The following FOCAD variants were observed in gnomAD, a reference collection of about 807,000 sequenced individuals.
FOCAD encodes the protein focadhesin.
In FOCAD, 198 loss-of-function variants were observed where a neutral mutation model predicts 225.6. That is an observed-to-expected ratio of 0.88 (90% CI 0.78 to 0.99). FOCAD has a LOEUF of 0.99. Ranked by LOEUF, FOCAD falls within the 50% of genes least tolerant of loss-of-function variation. The pLI is 0.00. For synonymous variants in FOCAD, 897 were observed against 755.0 expected (o/e 1.19, Z -3.08); for missense variants, 2,713 against 2,123.6 (o/e 1.28, Z -5.46).
At chr9:20,837,406 A>G (rs749357958) in intron 15 of FOCAD, among the ~76,000 whole-genome samples, 4 of 152,138 alleles carry the variant, frequency 2.6e-5, no homozygotes, top group Non-Finnish European at 2.9e-5. Context: ...AGCTGGGCTC[A>G]GTGGTTGCAA....
chr9:20,941,547 A>G (rs759112181), intron 28 of FOCAD, among the ~76,000 whole-genome samples: 3 of 152,222 alleles, frequency 2.0e-5, no homozygotes, highest in Admixed American at 6.5e-5. Flanking sequence ...ATCTGAGTTG[A>G]TGCAGCAACA....
intron 2 of FOCAD, among the ~76,000 whole-genome samples, chr9:20,677,496 A>G (rs1044096617): frequency 1.6e-4 from 25 of 152,192 alleles, no homozygotes; most frequent in Non-Finnish European, 2.9e-4. Context: ...AGAAAATACA[A>G]AGAATTCAGC....
At chr9:20,889,445 G>T (rs1587516583) in intron 21 of FOCAD, among the ~76,000 whole-genome samples, 1 of 151,974 alleles carries the variant, frequency 6.6e-6, no homozygotes, top group East Asian at 1.9e-4. Flanking sequence ...TTTTAGCTTA[G>T]GTCCATTTGA....
rs991206620 is a variant in FOCAD, at chr9:20,785,666, C to T, written c.1198-3685C>T. On this transcript the variant is annotated intron_variant, in intron 10 of 43. Transcript: ENST00000338382. The stretch of plus-strand genomic sequence containing the variant: ...TTTTACTTTCCTTTTCTTTTGTTGA[C>T]GAACTTTTGGCTCTTTCCCACTTTT... Among the ~76,000 whole-genome samples, 17 of 152,046 alleles carry T rather than the reference C, an allele frequency of 1.1e-4. 1 individual carries two copies. The highest frequency in any genetic ancestry group is 6.2e-4 in the South Asian group (3 of 4,824).
chr9:20,708,068 C>T (rs1394233022), intron 1 of FOCAD, among the ~76,000 whole-genome samples: 2 of 152,108 alleles, frequency 1.3e-5, no homozygotes, highest in East Asian at 1.9e-4. Context: ...AGAATTTTCC[C>T]CCTCTTTTTT....
intron 15 of FOCAD, among the ~76,000 whole-genome samples, chr9:20,832,276 A>G (rs1825574791): frequency 6.6e-6 from 1 of 152,206 alleles, no homozygotes; most frequent in East Asian, 1.9e-4. Flanking sequence ...TTTCCAGAGT[A>G]GCAGTTCTGT....
chr9:20,716,167 C>G (rs764961917), intron 2 of FOCAD: 1 of 473,428 alleles, frequency 2.1e-6, no homozygotes. Context: ...ATGCAAGATT[C>G]CCTTCTACCT....
At chr9:20,689,154 G>T (rs140119041) in intron 1 of FOCAD, among the ~76,000 whole-genome samples, 1 of 152,172 alleles carries the variant, frequency 6.6e-6, no homozygotes, top group Non-Finnish European at 1.5e-5. Context: ...GGGAGATAAT[G>T]AAAAGGATAG....
intron 8 of FOCAD, among the ~76,000 whole-genome samples, chr9:20,775,801 G>C (rs917625213): frequency 1.3e-5 from 2 of 151,884 alleles, no homozygotes; most frequent in African/African-American, 4.8e-5. Flanking sequence ...CTGTTACTGG[G>C]ACTCCTCCGA....
At chr9:20,940,280 TC>T (rs1241626532) in intron 28 of FOCAD, among the ~76,000 whole-genome samples, 1 of 144,450 alleles carries the variant, frequency 6.9e-6, no homozygotes, top group Non-Finnish European at 1.5e-5. Context: ...TGTGCAGTTC[TC>T]CCTTTTTTTT....
At chr9:20,683,049 G>A (rs1822450716), upstream of FOCAD, among the ~76,000 whole-genome samples, 1 of 152,042 alleles carries the variant, frequency 6.6e-6, no homozygotes, top group South Asian at 2.1e-4. Flanking sequence ...ACAGGTGTGA[G>A]CCCCCCCACC....
At chr9:20,816,511 T>A (rs1023399533) in intron 11 of FOCAD, among the ~76,000 whole-genome samples, 13 of 152,122 alleles carry the variant, frequency 8.5e-5, no homozygotes, top group Admixed American at 5.9e-4. Flanking sequence ...TGTTGTGAGA[T>A]CATAGCTATT....
intron 26 of FOCAD, among the ~76,000 whole-genome samples, chr9:20,927,286 A>G (rs988971924): frequency 1.2e-4 from 18 of 152,224 alleles, no homozygotes; most frequent in Admixed American, 5.9e-4. Flanking sequence ...GTCCTGATTT[A>G]TAAAATGAAG....
At chr9:20,746,937 C>A (rs1266356598) in intron 5 of FOCAD, among the ~76,000 whole-genome samples, 1 of 152,090 alleles carries the variant, frequency 6.6e-6, no homozygotes, top group Admixed American at 6.6e-5. Flanking sequence ...ACGCTGTGTC[C>A]TTCTGAGGTT....
intron 18 of FOCAD, 66 bp downstream of exon 18, chr9:20,867,078 A>G: frequency 1.0e-5 from 10 of 996,310 alleles, no homozygotes; most frequent in Non-Finnish European, 1.5e-5. Context: ...TTTCTCTCTC[A>G]TCTTAGGAGA....
rs377177620 is a variant in FOCAD at position 20,982,457 on chromosome 9, A to G, written c.4728+11A>G. Reference sequence around the variant, plus strand: ...GCCCAGGTTACTAAGGTAATAACATATCTTTCTATACCTTTTTTCATTATT... The same window carrying G: ...GCCCAGGTTACTAAGGTAATAACATGTCTTTCTATACCTTTTTTCATTATT... On this transcript the variant is annotated intron_variant, in intron 39 of 43. Coordinates refer to ENST00000338382, the MANE Select transcript of FOCAD (RefSeq NM_001375567.1). 98 of 1,596,494 alleles carry G rather than the reference A, an allele frequency of 6.1e-5. No individual in the cohort carries two copies. Among genetic ancestry groups the G allele is most frequent in the Middle Eastern group, 1.7e-4 (1 of 6,040 alleles).
At chr9:20,924,417 A>G (rs1241487818) in intron 25 of FOCAD, among the ~76,000 whole-genome samples, 1 of 152,168 alleles carries the variant, frequency 6.6e-6, no homozygotes, top group Non-Finnish European at 1.5e-5. Flanking sequence ...TACTACCTCT[A>G]TGGCCTATTT....
intron 18 of FOCAD, 118 bp downstream of exon 18, chr9:20,867,130 C>T: frequency 3.3e-6 from 2 of 602,670 alleles, no homozygotes; most frequent in South Asian, 5.3e-5. Context: ...GATCTGTTGT[C>T]CATGCAAGAT....
intron 35 of FOCAD, among the ~76,000 whole-genome samples, chr9:20,965,328 T>C (rs187988271): frequency 1.4e-4 from 21 of 152,280 alleles, no homozygotes; most frequent in African/African-American, 5.1e-4. Flanking sequence ...TCACAAATAC[T>C]TGTTGCAAGG....
Sources: allele counts gnomAD v4.1 joint callset (sites outside exome capture counted in the v4.1 genomes callset), GRCh38; gene constraint gnomAD v4.1.1; transcripts MANE v1.5; gene names NCBI Gene and HGNC (gene_info 2026-07-23, HGNC 2026-07-21).